MREG: variants seen among roughly 807,000 people sequenced by gnomAD.
The protein encoded by MREG is melanoregulin.
In MREG, 31 loss-of-function variants were observed where a neutral mutation model predicts 28.5. The observed-to-expected ratio is 1.09, with a 90% CI of 0.82 to 1.47. MREG has a LOEUF of 1.47. Ranked by LOEUF, MREG falls within the 40% of genes most tolerant of loss-of-function variation. The probability of loss-of-function intolerance (pLI) is 0.00; values close to 1 mark genes in which losing one functional copy is unlikely to be tolerated. For missense variants in MREG, 256 were observed against 257.4 expected, an observed-to-expected ratio of 0.99 and a Z score of 0.04; for synonymous variants, 106 against 95.2, an observed-to-expected ratio of 1.11 and a Z score of -0.66.
At chr2:215,966,500 C>T (rs1423853990) in intron 2 of MREG, among the ~76,000 whole-genome samples, 4 of 151,946 alleles carry the variant, frequency 2.6e-5, no homozygotes, top group African/African-American at 7.3e-5. Flanking sequence ...CACACTGACA[C>T]TTTAATAAAA....
intron 1 of MREG, 52 bp downstream of exon 1, chr2:216,013,181 G>A: frequency 6.6e-7 from 1 of 1,504,352 alleles, no homozygotes; most frequent in Non-Finnish European, 9.0e-7. Flanking sequence ...CACTCTCGGC[G>A]CCCGGCTACG....
intron 2 of MREG, among the ~76,000 whole-genome samples, chr2:215,974,747 C>T (rs1181489142): frequency 6.6e-6 from 1 of 151,718 alleles, no homozygotes; most frequent in Non-Finnish European, 1.5e-5. Context: ...GGCTTCATCG[C>T]CTTTCTGCTT....
At chr2:215,979,508 AT>A (rs1693360088) in intron 2 of MREG, among the ~76,000 whole-genome samples, 1 of 146,434 alleles carries the variant, frequency 6.8e-6, no homozygotes, top group Non-Finnish European at 1.5e-5. Context: ...AATAATAATA[AT>A]AATAAAAGGT....
chr2:216,006,386 T>C (rs570034375), intron 1 of MREG, among the ~76,000 whole-genome samples: 1 of 152,226 alleles, frequency 6.6e-6, no homozygotes, highest in Non-Finnish European at 1.5e-5. Context: ...CCCCTATCAC[T>C]CCCCTGTCTT....
upstream of MREG, among the ~76,000 whole-genome samples, chr2:216,016,923 T>C (rs1025681810): frequency 6.6e-6 from 1 of 152,232 alleles, no homozygotes; most frequent in Non-Finnish European, 1.5e-5. Flanking sequence ...ACTAACATTT[T>C]TAAAATTAAT....
chr2:215,960,595 G>C (rs1692754052), intron 2 of MREG, among the ~76,000 whole-genome samples: 1 of 152,054 alleles, frequency 6.6e-6, no homozygotes, highest in African/African-American at 2.4e-5. Context: ...CAGCACTTTG[G>C]GAGGCTGAGG....
intron 2 of MREG, among the ~76,000 whole-genome samples, chr2:215,951,657 G>A (rs1449461214): frequency 6.6e-6 from 1 of 152,114 alleles, no homozygotes; most frequent in Non-Finnish European, 1.5e-5. Context: ...ATCAATAACT[G>A]AAGATGTTTA....
chr2:215,945,810 A>C lies in MREG; in HGVS notation c.347-76T>G, dbSNP rs1692304823. The C allele has an allele frequency of 4.5e-6, 6 of 1,325,684 alleles. 1 individual carries two copies. The South Asian group carries it at 8.3e-5, about 18-fold the overall frequency. 82.1% of individuals were successfully genotyped at this position (1,325,684 alleles called of 1,614,324 possible). ...TGTTCCGCAATACGGTCCCTGCAGG[A>C]GATTACGAACAGACCCATGTGGATT... is the stretch of plus-strand genomic sequence containing the variant. On this transcript the variant is annotated intron_variant, in intron 3 of 4. Transcript: ENST00000263268.
chr2:215,956,998 G>A (rs985146908), intron 2 of MREG, among the ~76,000 whole-genome samples: 2 of 152,164 alleles, frequency 1.3e-5, no homozygotes, highest in Non-Finnish European at 2.9e-5. Flanking sequence ...CACACAGCAG[G>A]TAAGTGAAAA....
At chr2:216,028,540 A>AC (rs1416976086) in intron 1 of MREG, among the ~76,000 whole-genome samples, 4 of 151,596 alleles carry the variant, frequency 2.6e-5, no homozygotes, top group Non-Finnish European at 5.9e-5. Flanking sequence ...AAAAAAAAAA[A>AC]AAAAAAAACC....
chr2:216,019,803 C>T (rs1409092645), intron 1 of MREG, among the ~76,000 whole-genome samples: 2 of 152,168 alleles, frequency 1.3e-5, no homozygotes, highest in Non-Finnish European at 2.9e-5. Flanking sequence ...CCGCTTCCAG[C>T]CTCAAACTAT....
At chr2:216,006,362 G>T (rs1370222239) in intron 1 of MREG, among the ~76,000 whole-genome samples, 1 of 152,218 alleles carries the variant, frequency 6.6e-6, no homozygotes, top group African/African-American at 2.4e-5. Flanking sequence ...CAGCACTCAT[G>T]CACCTCTGGC....
Position 215,959,299 on chromosome 2 carries a change from T to C in MREG, c.256-12186A>G, listed in dbSNP as rs551549428. 4.6e-5 allele frequency among the ~76,000 whole-genome samples: 7 copies of C among 151,662 alleles called. No individual in the cohort carries two copies. The South Asian group carries it at 1.1e-3, about 23-fold the overall frequency. On this transcript the variant is annotated intron_variant, in intron 2 of 4. Coordinates refer to ENST00000263268, the MANE Select transcript of MREG (RefSeq NM_018000.3). Reference sequence around the variant, plus strand: ...CACCTTTCTGCTGGATGTGTCCAAGTGGACGGGCTGCTGACATGTGGATGA... The same window carrying C: ...CACCTTTCTGCTGGATGTGTCCAAGCGGACGGGCTGCTGACATGTGGATGA...
chr2:215,961,961 G>A (rs1417739399), intron 2 of MREG, among the ~76,000 whole-genome samples: 1 of 152,076 alleles, frequency 6.6e-6, no homozygotes, highest in East Asian at 1.9e-4. Flanking sequence ...TCACACCTTG[G>A]AGTTACTGCT....
At chr2:216,003,113 A>G (rs1192385437) in intron 1 of MREG, among the ~76,000 whole-genome samples, 1 of 151,904 alleles carries the variant, frequency 6.6e-6, no homozygotes, top group Non-Finnish European at 1.5e-5. Flanking sequence ...TTTGAAACAG[A>G]GTCTTGCTGT....
chr2:215,982,333 G>C (rs1332397437), intron 2 of MREG, among the ~76,000 whole-genome samples: 2 of 75,436 alleles, frequency 2.7e-5, no homozygotes, highest in Non-Finnish European at 7.1e-5. Context: ...GCAAAACTCC[G>C]TCAAAAAAAA....
chr2:215,962,547 G>C (rs1392872206), intron 2 of MREG, among the ~76,000 whole-genome samples: 1 of 152,152 alleles, frequency 6.6e-6, no homozygotes, highest in South Asian at 2.1e-4. Flanking sequence ...CCTGCCCGTG[G>C]ATAGAAAAAG....
intron 1 of MREG, among the ~76,000 whole-genome samples, chr2:216,032,565 A>AG (rs1694725687): frequency 6.6e-6 from 1 of 152,228 alleles, no homozygotes; most frequent in Admixed American, 6.5e-5. Context: ...CCAGGTCAGA[A>AG]GGCAATAGCT....
chr2:216,002,989 T>C (rs1694058483), intron 1 of MREG, among the ~76,000 whole-genome samples: 1 of 151,666 alleles, frequency 6.6e-6, no homozygotes, highest in Non-Finnish European at 1.5e-5. Context: ...TCTCTTTCTG[T>C]CTCTCCTTCC....
Sources: allele counts gnomAD v4.1 joint callset (sites outside exome capture counted in the v4.1 genomes callset), GRCh38; gene constraint gnomAD v4.1.1; transcripts MANE v1.5; gene names NCBI Gene and HGNC (gene_info 2026-07-23, HGNC 2026-07-21).